MACROD2: variants seen among roughly 807,000 people sequenced by gnomAD.
The protein encoded by MACROD2 is ADP-ribose glycohydrolase MACROD2.
In MACROD2, 36 loss-of-function variants were observed where a neutral mutation model predicts 70.4. The ratio of observed to expected loss-of-function variants is 0.51; its 90% CI spans 0.39 to 0.68. The LOEUF (loss-of-function observed/expected upper bound fraction) is 0.68. Ranked by LOEUF, MACROD2 falls within the 30% of genes least tolerant of loss-of-function variation. The pLI, the probability that MACROD2 is intolerant of heterozygous loss-of-function variation, is 0.00. For missense variants in MACROD2, 496 were observed against 538.4 expected, an observed-to-expected ratio of 0.92 and a Z score of 0.78; for synonymous variants, 172 against 178.8, an observed-to-expected ratio of 0.96 and a Z score of 0.30.
rs1025543985 is a variant in MACROD2 at position 15,276,087 on chromosome 20, C to A, written c.540+46026C>A. ...TCTTAATAGAATATCATATATGTGA[C>A]GTAAAAAGTCAATTAAAAATCTCAT... is the stretch of plus-strand genomic sequence containing the variant. On this transcript the variant is annotated intron_variant, in intron 6 of 17. Coordinates refer to ENST00000684519, the MANE Select transcript of MACROD2 (RefSeq NM_001351661.2). Among the ~76,000 whole-genome samples the A allele has an allele frequency of 3.3e-5, 5 of 152,136 alleles. No homozygotes were observed. The East Asian group carries it at 5.8e-4, about 18-fold the overall frequency.
chr20:14,152,428 A>ATT (rs5840595), intron 3 of MACROD2, among the ~76,000 whole-genome samples: 5 of 127,406 alleles, frequency 3.9e-5, no homozygotes, highest in African/African-American at 1.1e-4. Context: ...TCTCCTCTAC[A>ATT]TTTTTTTTTT....
intron 6 of MACROD2, among the ~76,000 whole-genome samples, chr20:15,254,786 T>A (rs1259164728): frequency 2.0e-5 from 3 of 152,124 alleles, no homozygotes; most frequent in African/African-American, 7.2e-5. Flanking sequence ...TTAAATGACT[T>A]CCTTGGTCAT....
chr20:15,259,916 G>C (rs1181497373), intron 6 of MACROD2, among the ~76,000 whole-genome samples: 2 of 151,852 alleles, frequency 1.3e-5, no homozygotes, highest in African/African-American at 4.8e-5. Flanking sequence ...TAGGCTGCAG[G>C]TGTGGGATGG....
chr20:15,852,488 G>A (rs1193997881), intron 8 of MACROD2, among the ~76,000 whole-genome samples: 1 of 152,190 alleles, frequency 6.6e-6, no homozygotes, highest in Non-Finnish European at 1.5e-5. Context: ...CTGGGAACAT[G>A]GGGAGAAAAA....
chr20:16,032,658 G>C (rs2082416676), intron 15 of MACROD2, among the ~76,000 whole-genome samples: 1 of 148,624 alleles, frequency 6.7e-6, no homozygotes, highest in African/African-American at 2.5e-5. Context: ...AGAAAGAAAA[G>C]GAAAGAGGGA....
chr20:15,349,649 A>G lies in MACROD2; in HGVS notation c.541-81756A>G, dbSNP rs530265655. Among the ~76,000 whole-genome samples the G allele has an allele frequency of 9.2e-5, 14 of 151,688 alleles. No individual in the cohort carries two copies. In the East Asian group the frequency reaches 2.7e-3, roughly 30 times the overall value. On this transcript the variant is annotated intron_variant, in intron 6 of 17. Coordinates refer to ENST00000684519, the MANE Select transcript of MACROD2 (RefSeq NM_001351661.2). ...CACACTCCTGTAATCCCAGCTACTC[A>G]GGAGGCTAAGGCAGGAGAATCGCTT...
intron 5 of MACROD2, among the ~76,000 whole-genome samples, chr20:15,209,959 C>G (rs1045495729): frequency 3.3e-5 from 5 of 152,182 alleles, no homozygotes; most frequent in Non-Finnish European, 7.3e-5. Flanking sequence ...ATTGTGCTTT[C>G]TATGGAGACT....
intron 3 of MACROD2, among the ~76,000 whole-genome samples, chr20:14,276,947 C>T (rs1156889618): frequency 6.6e-6 from 1 of 152,086 alleles, no homozygotes; most frequent in Non-Finnish European, 1.5e-5. Flanking sequence ...CCATGTCTTC[C>T]TCATCTTATA....
intron 8 of MACROD2, among the ~76,000 whole-genome samples, chr20:15,555,844 A>AG (rs1410948978): frequency 8.8e-5 from 13 of 147,498 alleles, no homozygotes; most frequent in African/African-American, 3.4e-4. Flanking sequence ...AAAAAAAAAA[A>AG]AAAAAAAAAA....
chr20:15,856,900 G>A (rs186641639), intron 8 of MACROD2, among the ~76,000 whole-genome samples: 22 of 152,268 alleles, frequency 1.4e-4, no homozygotes, highest in East Asian at 3.9e-4. Flanking sequence ...AAGATGGGCC[G>A]GGACCAACAA....
intron 3 of MACROD2, among the ~76,000 whole-genome samples, chr20:14,183,228 G>T (rs1284393686): frequency 6.0e-5 from 9 of 150,696 alleles, no homozygotes; most frequent in African/African-American, 2.2e-4. Context: ...CCCCTCTATG[G>T]GTCCATATGT....
At position 14,648,621 on chromosome 20, in the gene MACROD2, C is replaced by CATATATAT. The variant is rs753035871; in HGVS notation, c.302-36213_302-36206dup. The stretch of plus-strand genomic sequence containing the variant: ...TTTGCCTCTTCTTTGTTTATTTAAA[C>CATATATAT]ATATATATATATATATCTATCTATC... On this transcript the variant is annotated intron_variant, in intron 4 of 17. Transcript: ENST00000684519. Among the ~76,000 whole-genome samples, 435 of 148,772 alleles carry CATATATAT rather than the reference C, an allele frequency of 2.9e-3. 2 individuals carry two copies. Among genetic ancestry groups the CATATATAT allele is most frequent in the African/African-American group, 0.01 (408 of 40,120 alleles).
intron 5 of MACROD2, among the ~76,000 whole-genome samples, chr20:14,867,199 G>A (rs1358314050): frequency 6.6e-6 from 1 of 152,114 alleles, no homozygotes; most frequent in Non-Finnish European, 1.5e-5. Flanking sequence ...TTTGATAGCT[G>A]CTTTGTAAAT....
rs187972410 is a variant in MACROD2, at chr20:15,866,343, C to A, written c.727+3517C>A. Among the ~76,000 whole-genome samples, 20 of 152,086 alleles carry A rather than the reference C, an allele frequency of 1.3e-4. No homozygotes were observed. The East Asian group carries it at 3.9e-3, about 29-fold the overall frequency. On this transcript the variant is annotated intron_variant, in intron 9 of 17. Coordinates refer to ENST00000684519, the MANE Select transcript of MACROD2 (RefSeq NM_001351661.2). ...CTCGGGGATTTGAGGCTGCAGTTGGCTATGATTGCACCACTGAACTCCAGC... is the reference window on the plus strand; with the variant it reads ...CTCGGGGATTTGAGGCTGCAGTTGGATATGATTGCACCACTGAACTCCAGC...
At chr20:14,894,796 G>T (rs79206925) in intron 5 of MACROD2, 1 of 152,146 alleles carries the variant, frequency 6.6e-6, no homozygotes, top group South Asian at 2.1e-4. Flanking sequence ...TTGTGTGTGT[G>T]TGATGTTTAC....
intron 6 of MACROD2, among the ~76,000 whole-genome samples, chr20:15,375,816 C>A (rs1568759425): frequency 6.6e-6 from 1 of 151,982 alleles, no homozygotes; most frequent in Non-Finnish European, 1.5e-5. Flanking sequence ...TAGTTTTAGG[C>A]CCTTTTTACA....
At position 15,820,121 on chromosome 20, in the gene MACROD2, G is replaced by T. The variant is rs188281192; in HGVS notation, c.646-42624G>T. On this transcript the variant is annotated intron_variant, in intron 8 of 17. Coordinates refer to ENST00000684519, the MANE Select transcript of MACROD2 (RefSeq NM_001351661.2). ...AGGAGAAGCGACACTGTGTGCTGAA[G>T]CATGAATGGGTACAGTTAAAGTCTT... is the stretch of plus-strand genomic sequence containing the variant. Among the ~76,000 whole-genome samples the T allele has an allele frequency of 4.6e-5, 7 of 152,136 alleles. 1 individual carries two copies. In the East Asian group the frequency reaches 1.4e-3, roughly 29 times the overall value.
intron 8 of MACROD2, among the ~76,000 whole-genome samples, chr20:15,859,522 G>A (rs965907127): frequency 2.0e-5 from 3 of 152,158 alleles, no homozygotes; most frequent in African/African-American, 7.2e-5. Context: ...CATAAACACG[G>A]AGCTTGTCAA....
At chr20:14,466,917 G>T (rs535509387) in intron 3 of MACROD2, among the ~76,000 whole-genome samples, 1 of 152,040 alleles carries the variant, frequency 6.6e-6, no homozygotes, top group African/African-American at 2.4e-5. Flanking sequence ...AGGAGTACCC[G>T]GCTGTGTGAG....
Sources: gnomAD v4.1 joint callset for allele counts (sites outside exome capture counted in the v4.1 genomes callset) on GRCh38, gnomAD v4.1.1 for gene constraint, MANE v1.5 for transcripts, NCBI Gene and HGNC (gene_info 2026-07-23, HGNC 2026-07-21) for gene names.